Variants in FAM20A observed in about 807,000 individuals in gnomAD.
The protein encoded by FAM20A is pseudokinase FAM20A.
FAM20A carries 42 observed loss-of-function variants against 52.0 expected under a neutral mutation model. That is an observed-to-expected ratio of 0.81 (90% CI 0.63 to 1.04). FAM20A has a LOEUF of 1.04. Ranked by LOEUF, FAM20A falls within the 50% of genes least tolerant of loss-of-function variation. FAM20A has a pLI of 0.00. For missense variants in FAM20A, 742 were observed against 712.7 expected, an observed-to-expected ratio of 1.04 and a Z score of -0.47; for synonymous variants, 304 against 298.9, an observed-to-expected ratio of 1.02 and a Z score of -0.18.
At chr17:68,560,400 A>G (rs758384363) in intron 1 of FAM20A, among the ~76,000 whole-genome samples, 3 of 151,994 alleles carry the variant, frequency 2.0e-5, no homozygotes, top group Non-Finnish European at 4.4e-5. Context: ...CACTATGTGA[A>G]GAGAGAAGGC....
intron 4 of FAM20A, among the ~76,000 whole-genome samples, chr17:68,549,109 A>G (rs1447757583): frequency 6.6e-6 from 1 of 152,200 alleles, no homozygotes; most frequent in African/African-American, 2.4e-5. Flanking sequence ...CTGCAAAGGA[A>G]ATGCTACAGG....
At chr17:68,557,119 G>C (rs1035680375) in intron 1 of FAM20A, among the ~76,000 whole-genome samples, 12 of 151,900 alleles carry the variant, frequency 7.9e-5, no homozygotes, top group Non-Finnish European at 1.5e-4. Flanking sequence ...AGAATCACTT[G>C]AACCCAGGAG....
At position 68,539,979 on chromosome 17, in the gene FAM20A, G is replaced by A; in HGVS notation, c.1220-13C>T. 1.2e-6 allele frequency: 2 copies of A among 1,613,550 alleles called. No individual in the cohort carries two copies. Among genetic ancestry groups the A allele is most frequent in the Middle Eastern group, 1.6e-4 (1 of 6,062 alleles). On this transcript the variant is annotated splice_polypyrimidine_tract_variant and intron_variant, in intron 8 of 10. Coordinates refer to ENST00000592554, the MANE Select transcript of FAM20A (RefSeq NM_017565.4). ...CGGTCCATATTCCCTGTGAAGGAGG[G>A]GAGGACTTAGCTGGAACCAGCAGGC...
chr17:68,546,237 C>T (rs1269484269), intron 4 of FAM20A, among the ~76,000 whole-genome samples: 2 of 147,416 alleles, frequency 1.4e-5, no homozygotes, highest in African/African-American at 5.1e-5. Flanking sequence ...GCAGTTGCAA[C>T]AATTCAGTCA....
At chr17:68,557,773 C>T (rs12948496) in intron 1 of FAM20A, among the ~76,000 whole-genome samples, 1 of 152,156 alleles carries the variant, frequency 6.6e-6, no homozygotes, top group Admixed American at 6.5e-5. Flanking sequence ...TCACCACCCC[C>T]ATTCATGGCG....
At position 68,600,540 on chromosome 17, in the gene FAM20A, C is replaced by A. The variant is rs766536786; in HGVS notation, c.127G>T (p.Gly43Trp). The A allele has an allele frequency of 1.3e-6, 2 of 1,560,286 alleles. No homozygotes were observed. Among genetic ancestry groups the A allele is most frequent in the Admixed American group, 1.9e-5 (1 of 51,886 alleles). ...GAGGCGCGGCCGGTGCACGGGCACC[C>A]CCGCGGGCGCTCCCGAGGCCGCAGC... is the stretch of plus-strand genomic sequence containing the variant. ...RQLRPRERPR[G>W]CPCTGRASSL... The change falls in exon 1 of 11, where the codon GGG becomes TGG. Residue 43 changes from glycine (G) to tryptophan (W), a missense_variant. Coordinates refer to ENST00000592554, the MANE Select transcript of FAM20A (RefSeq NM_017565.4). The surrounding 1 kb of genome is among the most constrained non-coding windows in gnomAD (Gnocchi z 6.2).
At chr17:68,556,011 A>G (rs1226432072) in intron 1 of FAM20A, among the ~76,000 whole-genome samples, 1 of 152,226 alleles carries the variant, frequency 6.6e-6, no homozygotes, top group East Asian at 1.9e-4. Context: ...ATTACAAACC[A>G]GGACAAATCC....
chr17:68,591,243 C>T (rs1389783833), intron 1 of FAM20A, among the ~76,000 whole-genome samples: 2 of 152,204 alleles, frequency 1.3e-5, no homozygotes, highest in East Asian at 1.9e-4. Context: ...AGTAGCTGGG[C>T]GCCCGCCGCC....
At position 68,542,786 on chromosome 17, in the gene FAM20A, G is replaced by A. The variant is rs770981320; in HGVS notation, c.836C>T (p.Pro279Leu). 16 of 1,613,908 alleles carry A rather than the reference G, an allele frequency of 9.9e-6. No homozygotes were observed. In the East Asian group the frequency reaches 2.5e-4, roughly 25 times the overall value. ...ATTTACTATCCTCCCCACTGTTGGC[G>A]GCACCCGTCGGAAGTCCAGAATCCT... Reference protein sequence around the residue: ...LDRILDFRRVPPTVGRIVNVT... With the variant: ...LDRILDFRRVLPTVGRIVNVT... The change falls in exon 6 of 11, where the codon CCG (proline) becomes CTG (leucine). Residue 279 changes from proline to leucine, a missense_variant. Coordinates refer to ENST00000592554, the MANE Select transcript of FAM20A (RefSeq NM_017565.4).
intron 1 of FAM20A, chr17:68,575,116 C>A (rs565678724): frequency 6.6e-6 from 1 of 152,052 alleles, no homozygotes; most frequent in South Asian, 2.1e-4. Flanking sequence ...AATGGATTCT[C>A]GCCTAGAGCC....
intron 4 of FAM20A, 78 bp downstream of exon 4, chr17:68,551,795 C>A: frequency 1.0e-6 from 1 of 996,342 alleles, no homozygotes; most frequent in South Asian, 1.4e-5. Flanking sequence ...GACTTTAGGT[C>A]ACTTTTATTA....
intron 7 of FAM20A, chr17:68,541,578 G>C: frequency 5.1e-6 from 1 of 196,458 alleles, no homozygotes; most frequent in Non-Finnish European, 1.1e-5. Context: ...GGATACAGCA[G>C]TGAGGTCCTT....
chr17:68,574,950 A>G (rs1490370452), intron 1 of FAM20A: 1 of 152,206 alleles, frequency 6.6e-6, no homozygotes, highest in Non-Finnish European at 1.5e-5. Context: ...AAACAGACAC[A>G]TAGACAAGAA....
Position 68,554,798 on chromosome 17 carries a change from C to A in FAM20A, c.619G>T (p.Gly207Trp). The A allele has an allele frequency of 6.2e-7, 1 of 1,614,126 alleles. No individual in the cohort carries two copies. The highest frequency in any genetic ancestry group is 8.5e-7 in the Non-Finnish European group (1 of 1,180,014). The change falls in exon 3 of 11, where the codon GGG becomes TGG. Residue 207 changes from glycine to tryptophan, a missense_variant. Coordinates refer to ENST00000592554, the MANE Select transcript of FAM20A (RefSeq NM_017565.4). ...DYSQDEKALLGACDCTQIVKP... is the reference protein window; with the variant it reads ...DYSQDEKALLWACDCTQIVKP... ...TTACTCTGGGTGCAGTCACATGCCC[C>A]CAGCAAGGCTTTCTCATCTTGACTG... is the stretch of plus-strand genomic sequence containing the variant.
intron 1 of FAM20A, among the ~76,000 whole-genome samples, chr17:68,599,766 G>A (rs934299984): frequency 2.4e-4 from 36 of 152,174 alleles, no homozygotes; most frequent in Admixed American, 2.1e-3. Flanking sequence ...ACTGGGTTTT[G>A]GGGAGAAACA....
intron 1 of FAM20A, among the ~76,000 whole-genome samples, chr17:68,571,525 G>A (rs112965521): frequency 5.1e-4 from 77 of 152,232 alleles, no homozygotes; most frequent in African/African-American, 1.8e-3. Flanking sequence ...ATTTCCAAGA[G>A]CACTCTGTCA....
chr17:68,579,013 C>CAAAA (rs377749546), intron 1 of FAM20A, among the ~76,000 whole-genome samples: 3 of 103,410 alleles, frequency 2.9e-5, no homozygotes, highest in South Asian at 3.2e-4. Context: ...GACTCTGTTT[C>CAAAA]AAAAAAAAAA....
Position 68,600,207 on chromosome 17 carries a change from G to A in FAM20A, c.404+56C>T. ...GCGTCAGGAAACTCGAGACTGGGGCGCGGGGAGGCCCCGGCCAGAGCGCCC... is the reference window on the plus strand; with the variant it reads ...GCGTCAGGAAACTCGAGACTGGGGCACGGGGAGGCCCCGGCCAGAGCGCCC... On this transcript the variant is annotated intron_variant, in intron 1 of 10. Transcript: ENST00000592554. This position sits in a 1 kb window ranked among gnomAD's most constrained non-coding sequence, Gnocchi z 6.2. 1 of 1,535,072 alleles carries A rather than the reference G, an allele frequency of 6.5e-7. No individual in the cohort carries two copies. Among genetic ancestry groups the A allele is most frequent in the Non-Finnish European group, 8.8e-7 (1 of 1,140,166 alleles).
At chr17:68,546,055 G>A (rs1485257760) in intron 4 of FAM20A, among the ~76,000 whole-genome samples, 1 of 151,388 alleles carries the variant, frequency 6.6e-6, no homozygotes, top group Non-Finnish European at 1.5e-5. Flanking sequence ...TGTAGTCCCA[G>A]CTACTTGGGA....
Sources: allele counts gnomAD v4.1 joint callset (sites outside exome capture counted in the v4.1 genomes callset), GRCh38; gene constraint gnomAD v4.1.1; non-coding constraint Gnocchi (gnomAD v3.1); transcripts MANE v1.5; gene names NCBI Gene and HGNC (gene_info 2026-07-23, HGNC 2026-07-21).